The following EXT2 variants were observed in gnomAD, a reference collection of about 807,000 sequenced individuals.
EXT2 encodes exostosin-2.
In EXT2, 53 loss-of-function variants were observed where a neutral mutation model predicts 81.6. That is an observed-to-expected ratio of 0.65 (90% CI 0.52 to 0.82). The LOEUF (loss-of-function observed/expected upper bound fraction) is 0.82, where lower values mean the gene tolerates loss of function less well. EXT2 is among the 40% of genes least tolerant of loss of function. The pLI, the probability that EXT2 is intolerant of heterozygous loss-of-function variation, is 0.00. For synonymous variants in EXT2, 320 were observed against 340.0 expected, an observed-to-expected ratio of 0.94 and a Z score of 0.65; for missense variants, 774 against 910.2, an observed-to-expected ratio of 0.85 and a Z score of 1.93.
At chr11:44,243,835 G>A (rs1303473074) in intron 13 of EXT2, among the ~76,000 whole-genome samples, 1 of 151,828 alleles carries the variant, frequency 6.6e-6, no homozygotes, top group Non-Finnish European at 1.5e-5. Context: ...AGGAATGACT[G>A]GAATTTGAGG....
At chr11:44,210,439 A>C (rs1955634230) in intron 10 of EXT2, among the ~76,000 whole-genome samples, 1 of 152,230 alleles carries the variant, frequency 6.6e-6, no homozygotes, top group Non-Finnish European at 1.5e-5. Flanking sequence ...AAATTCTGGA[A>C]AGTACAAACT....
In EXT2 at chr11:44,245,127, A is replaced by G. The variant is rs1199187756; in HGVS notation, c.*840A>G. 4.3e-6 allele frequency: 1 copy of G among 230,140 alleles called. No homozygotes were observed. Among genetic ancestry groups the G allele is most frequent in the East Asian group, 6.2e-5 (1 of 16,224 alleles). The allele number at this position is 230,140 out of a possible 1,614,324, so 14.3% of individuals were successfully genotyped here. A position where few individuals can be genotyped will look rare whatever the true frequency, so the allele number is the denominator to read the frequency against. ...TAACCATTTTAAGAACAGATGACTCAGAAACCTCCAGAGGAATCTGTTTGC... is the reference window on the plus strand; with the variant it reads ...TAACCATTTTAAGAACAGATGACTCGGAAACCTCCAGAGGAATCTGTTTGC... On this transcript the variant is annotated 3_prime_UTR_variant, in exon 14 of 14. Coordinates refer to ENST00000533608, the MANE Select transcript of EXT2 (RefSeq NM_207122.2).
chr11:44,204,228 T>C (rs1272295958), intron 9 of EXT2, among the ~76,000 whole-genome samples: 1 of 152,138 alleles, frequency 6.6e-6, no homozygotes, highest in Admixed American at 6.5e-5. Flanking sequence ...TCCCACTTCT[T>C]TTATTCTCTC....
At chr11:44,129,997 T>C in intron 6 of EXT2, 48 bp from the exon 7 acceptor site, 1 of 1,433,122 alleles carries the variant, frequency 7.0e-7, no homozygotes, top group Non-Finnish European at 9.9e-7. Context: ...TAGAAATGCT[T>C]TCTGTGAAGG....
At chr11:44,122,009 A>G (rs1237110418) in intron 4 of EXT2, among the ~76,000 whole-genome samples, 1 of 152,006 alleles carries the variant, frequency 6.6e-6, no homozygotes, top group Non-Finnish European at 1.5e-5. Context: ...TGGGACTCCA[A>G]TACTCTATGC....
At chr11:44,219,456 TG>T (rs1955758869) in intron 10 of EXT2, among the ~76,000 whole-genome samples, 1 of 152,150 alleles carries the variant, frequency 6.6e-6, no homozygotes. Flanking sequence ...ATCGTGCCAC[TG>T]CACTCCAGCC....
At chr11:44,097,789 TAAATAAATA>T (rs900471102) in intron 1 of EXT2, among the ~76,000 whole-genome samples, 2 of 143,984 alleles carry the variant, frequency 1.4e-5, no homozygotes, top group South Asian at 2.2e-4. Flanking sequence ...AATAAATAAA[TAAATAAATA>T]AAATAAAAAT....
At chr11:44,149,881 C>A (rs1205396361) in intron 7 of EXT2, among the ~76,000 whole-genome samples, 2 of 152,116 alleles carry the variant, frequency 1.3e-5, no homozygotes, top group African/African-American at 2.4e-5. Flanking sequence ...GTTTTTCTAA[C>A]CTTTGAGTGA....
intron 10 of EXT2, among the ~76,000 whole-genome samples, chr11:44,217,651 A>G (rs1362348115): frequency 6.6e-6 from 1 of 152,230 alleles, no homozygotes; most frequent in Non-Finnish European, 1.5e-5. Flanking sequence ...CTAGGGGAAC[A>G]GTAGCAGTGT....
At position 44,250,458 on chromosome 11, in the gene EXT2, C is replaced by T. The variant is rs930262107; in HGVS notation, c.*6171C>T. Among the ~76,000 whole-genome samples, 6 of 152,150 alleles carry T rather than the reference C, an allele frequency of 3.9e-5. No individual in the cohort carries two copies. Among genetic ancestry groups the T allele is most frequent in the African/African-American group, 9.7e-5 (4 of 41,426 alleles). ...TCTCTTCCCCTTTTATTAACCAGAT[C>T]GTTTACCAGATTGTACCTGGTGATG... On this transcript the variant is annotated 3_prime_UTR_variant, in exon 14 of 14. Transcript: ENST00000533608.
chr11:44,170,363 A>G (rs572950273), intron 7 of EXT2, among the ~76,000 whole-genome samples: 1 of 152,324 alleles, frequency 6.6e-6, no homozygotes, highest in African/African-American at 2.4e-5. Context: ...TGCCTATATT[A>G]AAAATAAAGA....
At chr11:44,186,984 T>TCCTC (rs1426244619) in intron 8 of EXT2, among the ~76,000 whole-genome samples, 862 of 28,180 alleles carry the variant, frequency 0.031, 12 homozygotes, top group African/African-American at 0.11. Flanking sequence ...GTACAAAATT[T>TCCTC]CCTTCCTTCC....
intron 7 of EXT2, among the ~76,000 whole-genome samples, chr11:44,139,838 C>T (rs1268805670): frequency 6.6e-6 from 1 of 152,052 alleles, no homozygotes; most frequent in Non-Finnish European, 1.5e-5. Flanking sequence ...ATTTTAAAGT[C>T]CTTATCAGTT....
At chr11:44,103,292 G>A (rs1590542367) in intron 1 of EXT2, among the ~76,000 whole-genome samples, 2 of 152,080 alleles carry the variant, frequency 1.3e-5, no homozygotes, top group East Asian at 3.9e-4. Context: ...TCTTGAGTCT[G>A]TGAATTGATG....
chr11:44,107,191 A>G (rs1395615806), intron 1 of EXT2, among the ~76,000 whole-genome samples: 1 of 151,782 alleles, frequency 6.6e-6, no homozygotes, highest in Non-Finnish European at 1.5e-5. Flanking sequence ...TAAATACATT[A>G]TATACTATTT....
intron 1 of EXT2, among the ~76,000 whole-genome samples, chr11:44,101,964 A>C (rs1374794013): frequency 6.6e-6 from 1 of 151,560 alleles, no homozygotes; most frequent in Non-Finnish European, 1.5e-5. Context: ...AAAAAAAAAA[A>C]ATTAAGAGCT....
At chr11:44,131,032 C>G (rs1274239978) in intron 7 of EXT2, among the ~76,000 whole-genome samples, 2 of 152,194 alleles carry the variant, frequency 1.3e-5, no homozygotes, top group Non-Finnish European at 2.9e-5. Context: ...ATCTGAGGTT[C>G]TGACTGTTAC....
At position 44,234,430 on chromosome 11, in the gene EXT2, A is replaced by G. The variant is rs184460962; in HGVS notation, c.1935+187A>G. 3.3e-5 allele frequency among the ~76,000 whole-genome samples: 5 copies of G among 152,318 alleles called. No homozygotes were observed. The East Asian group carries it at 5.8e-4, about 18-fold the overall frequency. On this transcript the variant is annotated intron_variant, in intron 12 of 13. Coordinates refer to ENST00000533608, the MANE Select transcript of EXT2 (RefSeq NM_207122.2). ...GAAGCTAGGCTTTGACAATTTAAAC[A>G]TATTTTCTTTTTTTATACAGTTTCT...
chr11:44,114,001 A>C (rs1174173506), intron 3 of EXT2, among the ~76,000 whole-genome samples, 184 bp from the exon 4 acceptor site: 1 of 152,100 alleles, frequency 6.6e-6, no homozygotes, highest in Non-Finnish European at 1.5e-5. Context: ...CTGGTGATTC[A>C]AGGATAGAAC....
Sources: allele counts gnomAD v4.1 joint callset (sites outside exome capture counted in the v4.1 genomes callset), GRCh38; gene constraint gnomAD v4.1.1; transcripts MANE v1.5; gene names NCBI Gene and HGNC (gene_info 2026-07-23, HGNC 2026-07-21).